The following KHDRBS2 variants were observed in gnomAD, a reference collection of about 807,000 sequenced individuals.
KHDRBS2 encodes the protein KH domain-containing, RNA-binding, signal transduction-associated protein 2.
In KHDRBS2, 26 loss-of-function variants were observed where a neutral mutation model predicts 44.3. The observed-to-expected ratio is 0.59, with a 90% CI of 0.43 to 0.81. The LOEUF (loss-of-function observed/expected upper bound fraction) is 0.81, where lower values mean the gene tolerates loss of function less well. KHDRBS2 is among the 40% of genes least tolerant of loss of function. The pLI is 0.00. For synonymous variants in KHDRBS2, 194 were observed against 151.1 expected (o/e 1.28, Z -2.08); for missense variants, 476 against 433.1 (o/e 1.10, Z -0.88).
intron 1 of KHDRBS2, among the ~76,000 whole-genome samples, chr6:62,194,220 T>G (rs1380929963): frequency 6.6e-6 from 1 of 152,076 alleles, no homozygotes; most frequent in Non-Finnish European, 1.5e-5. Flanking sequence ...ATTTATTTCT[T>G]TTATCCATAT....
chr6:62,263,798 G>C (rs999314183), intron 1 of KHDRBS2, among the ~76,000 whole-genome samples: 1 of 151,624 alleles, frequency 6.6e-6, no homozygotes, highest in Admixed American at 6.6e-5. Flanking sequence ...TTGACACACT[G>C]GTTTTACATC....
chr6:61,980,092 C>T (rs554422554), intron 3 of KHDRBS2, among the ~76,000 whole-genome samples: 18 of 152,094 alleles, frequency 1.2e-4, no homozygotes, highest in African/African-American at 4.3e-4. Context: ...GTTAATTGAC[C>T]CTACTCTCCT....
chr6:62,197,581 CA>C (rs1825961106), intron 1 of KHDRBS2, among the ~76,000 whole-genome samples: 1 of 152,010 alleles, frequency 6.6e-6, no homozygotes. Context: ...CCCAGTTTTT[CA>C]GACTAATAAA....
At chr6:61,898,722 T>C (rs1309769915) in intron 5 of KHDRBS2, among the ~76,000 whole-genome samples, 1 of 151,970 alleles carries the variant, frequency 6.6e-6, no homozygotes, top group Non-Finnish European at 1.5e-5. Flanking sequence ...TTCATTCTAC[T>C]ATACTTTCAT....
At chr6:61,755,154 C>G (rs1778294401) in intron 6 of KHDRBS2, among the ~76,000 whole-genome samples, 1 of 151,904 alleles carries the variant, frequency 6.6e-6, no homozygotes. Context: ...TTTTTGAGTT[C>G]AAGAATGTGT....
intron 2 of KHDRBS2, among the ~76,000 whole-genome samples, chr6:62,058,601 G>C (rs1214424323): frequency 6.6e-6 from 1 of 151,868 alleles, no homozygotes; most frequent in Non-Finnish European, 1.5e-5. Flanking sequence ...TGTATAAATA[G>C]AGAGGAAATG....
chr6:62,282,525 T>A (rs925974698), intron 1 of KHDRBS2, among the ~76,000 whole-genome samples: 1 of 152,118 alleles, frequency 6.6e-6, no homozygotes, highest in Non-Finnish European at 1.5e-5. Flanking sequence ...TAACTGAATA[T>A]ATAAATCTGA....
chr6:62,162,774 G>A (rs1817908015), intron 2 of KHDRBS2, among the ~76,000 whole-genome samples: 1 of 151,990 alleles, frequency 6.6e-6, no homozygotes, highest in Non-Finnish European at 1.5e-5. Context: ...TTGAACATAA[G>A]ACTACTAAGT....
Position 62,121,260 on chromosome 6 carries a change from C to T in KHDRBS2, c.219+55925G>A, listed in dbSNP as rs538589047. 1.4e-4 allele frequency among the ~76,000 whole-genome samples: 22 copies of T among 152,262 alleles called. No individual in the cohort carries two copies. In the East Asian group the frequency reaches 4.2e-3, roughly 29 times the overall value. ...AATGGAAGCTTTAGACCTACATCTA[C>T]TTAGAAAAAATAGTAAATCAAAAAC... On this transcript the variant is annotated intron_variant, in intron 2 of 8. Coordinates refer to ENST00000281156, the MANE Select transcript of KHDRBS2 (RefSeq NM_152688.4).
the KHDRBS2 span, chr6:61,661,177 C>T: frequency 1.3e-5 from 2 of 151,758 alleles, no homozygotes; most frequent in Admixed American, 6.6e-5. Context: ...CAAACAGCTA[C>T]TTTATCCATT....
At chr6:61,798,276 A>G (rs894807185) in intron 6 of KHDRBS2, among the ~76,000 whole-genome samples, 2 of 152,122 alleles carry the variant, frequency 1.3e-5, no homozygotes, top group African/African-American at 4.8e-5. Context: ...ATATGAGTAG[A>G]AACATTAAAA....
chr6:61,584,710 T>C, the KHDRBS2 span, among the ~76,000 whole-genome samples: 9 of 151,962 alleles, frequency 5.9e-5, no homozygotes, highest in African/African-American at 1.9e-4. Flanking sequence ...GCATACTTCT[T>C]GTTTAGTCAT....
chr6:62,060,861 T>A (rs1398019768), intron 2 of KHDRBS2, among the ~76,000 whole-genome samples: 1 of 151,884 alleles, frequency 6.6e-6, no homozygotes, highest in African/African-American at 2.4e-5. Flanking sequence ...ATATATTGTG[T>A]GCTTAATCAA....
intron 3 of KHDRBS2, among the ~76,000 whole-genome samples, chr6:61,985,152 T>A (rs766712895): frequency 1.3e-5 from 2 of 152,202 alleles, no homozygotes; most frequent in Non-Finnish European, 2.9e-5. Flanking sequence ...ATAAATATAA[T>A]GCTTACTCTT....
At chr6:61,601,001 C>T in the KHDRBS2 span, among the ~76,000 whole-genome samples, 1 of 152,178 alleles carries the variant, frequency 6.6e-6, no homozygotes, top group Non-Finnish European at 1.5e-5. Flanking sequence ...TTAATCACTG[C>T]AGGGACGTCT....
chr6:61,697,157 G>A (rs748788015), intron 8 of KHDRBS2, 38 bp downstream of exon 8: 1 of 1,305,762 alleles, frequency 7.7e-7, no homozygotes, highest in South Asian at 1.2e-5. Context: ...ACTGATGGAT[G>A]TTCCGATTTC....
chr6:62,050,660 TGAA>T (rs1440798075), intron 2 of KHDRBS2, among the ~76,000 whole-genome samples: 1 of 151,968 alleles, frequency 6.6e-6, no homozygotes, highest in African/African-American at 2.4e-5. Flanking sequence ...TAAATGCTGA[TGAA>T]GATGTGTAAT....
the KHDRBS2 span, among the ~76,000 whole-genome samples, chr6:61,628,375 C>G: frequency 6.6e-6 from 1 of 151,946 alleles, no homozygotes; most frequent in Non-Finnish European, 1.5e-5. Flanking sequence ...CTAGCTAGTA[C>G]CCACTGCAAC....
At chr6:61,610,995 T>C in the KHDRBS2 span, among the ~76,000 whole-genome samples, 7 of 152,144 alleles carry the variant, frequency 4.6e-5, no homozygotes, top group East Asian at 1.9e-4. Context: ...ATGGAGAAAA[T>C]GGCAGGAATT....
Sources: gnomAD v4.1 joint callset for allele counts (sites outside exome capture counted in the v4.1 genomes callset) on GRCh38, gnomAD v4.1.1 for gene constraint, MANE v1.5 for transcripts, NCBI Gene and HGNC (gene_info 2026-07-23, HGNC 2026-07-21) for gene names.